The following RBFOX1 variants were observed in gnomAD, a reference collection of about 807,000 sequenced individuals.
RBFOX1 encodes RNA binding fox-1 homolog 1.
In RBFOX1, 8 loss-of-function variants were observed where a neutral mutation model predicts 57.7. The observed-to-expected ratio is 0.14, with a 90% CI of 0.08 to 0.25. The LOEUF is 0.25. RBFOX1 is among the 10% of genes least tolerant of loss of function. RBFOX1 has a pLI of 1.00. For synonymous variants in RBFOX1, 326 were observed against 222.4 expected (o/e 1.47, Z -4.15); for missense variants, 611 against 548.5 (o/e 1.11, Z -1.14).
At chr16:5,990,980 G>A (rs1431053909) in intron 4 of RBFOX1, among the ~76,000 whole-genome samples, 2 of 151,536 alleles carry the variant, frequency 1.3e-5, no homozygotes, top group Admixed American at 6.6e-5. Flanking sequence ...GTCAGAGAGA[G>A]AAAAAAAATA....
At chr16:5,687,662 C>T (rs985208707) in intron 3 of RBFOX1, among the ~76,000 whole-genome samples, 1 of 152,156 alleles carries the variant, frequency 6.6e-6, no homozygotes, top group Admixed American at 6.6e-5. Context: ...GGGTGACCGA[C>T]CATTCCAGTC....
At chr16:5,367,891 A>G (rs544718449) in intron 1 of RBFOX1, among the ~76,000 whole-genome samples, 100 of 151,990 alleles carry the variant, frequency 6.6e-4, no homozygotes, top group African/African-American at 2.1e-3. Flanking sequence ...TGCTCTTTAA[A>G]TGACAGGACT....
chr16:7,376,550 A>T (rs865868448), intron 4 of RBFOX1, among the ~76,000 whole-genome samples: 1 of 151,972 alleles, frequency 6.6e-6, no homozygotes, highest in African/African-American at 2.4e-5. Flanking sequence ...AGATTTTCCA[A>T]CCTCCGAGTT....
chr16:6,953,981 AC>A (rs767442052), intron 3 of RBFOX1, among the ~76,000 whole-genome samples: 2 of 152,110 alleles, frequency 1.3e-5, no homozygotes, highest in Non-Finnish European at 2.9e-5. Flanking sequence ...AGTTTTACAT[AC>A]CCGATAGGTC....
At chr16:6,812,702 G>T (rs1014505775) in intron 3 of RBFOX1, among the ~76,000 whole-genome samples, 1 of 152,124 alleles carries the variant, frequency 6.6e-6, no homozygotes, top group African/African-American at 2.4e-5. Flanking sequence ...ATGCCTAAAT[G>T]TGGTCTAAAT....
chr16:5,681,389 CTT>C (rs1003773008), intron 3 of RBFOX1, among the ~76,000 whole-genome samples: 28 of 126,444 alleles, frequency 2.2e-4, no homozygotes, highest in East Asian at 2.3e-4. Context: ...CAGCTTTTTT[CTT>C]TTTTTTTTTT....
At chr16:6,009,345 C>T (rs550725932) in intron 4 of RBFOX1, among the ~76,000 whole-genome samples, 1 of 152,312 alleles carries the variant, frequency 6.6e-6, no homozygotes, top group Admixed American at 6.5e-5. Flanking sequence ...GGCTTTGATA[C>T]AAAGAAGCAC....
At chr16:7,470,720 A>G (rs1036029166) in intron 4 of RBFOX1, among the ~76,000 whole-genome samples, 1 of 152,028 alleles carries the variant, frequency 6.6e-6, no homozygotes, top group East Asian at 1.9e-4. Flanking sequence ...GGAAAGATGA[A>G]TATATCCAGA....
intron 1 of RBFOX1, among the ~76,000 whole-genome samples, chr16:5,246,323 G>A (rs2062298698): frequency 6.6e-6 from 1 of 152,148 alleles, no homozygotes; most frequent in Non-Finnish European, 1.5e-5. Context: ...GTTTTTTGGA[G>A]TTGTTGAATT....
At chr16:6,526,260 A>T (rs1178982565) in intron 2 of RBFOX1, among the ~76,000 whole-genome samples, 2 of 152,192 alleles carry the variant, frequency 1.3e-5, no homozygotes, top group African/African-American at 2.4e-5. Context: ...GTAATAGAGT[A>T]TTGGGTTTCC....
intron 3 of RBFOX1, among the ~76,000 whole-genome samples, chr16:5,687,193 G>A (rs532644758): frequency 5.1e-4 from 77 of 152,272 alleles, no homozygotes; most frequent in Non-Finnish European, 9.8e-4. Context: ...GGAATAGGGG[G>A]AGACAATTAA....
chr16:7,630,759 C>A lies in RBFOX1; in HGVS notation c.757+76C>A, dbSNP rs1277847511. 12 of 1,583,142 alleles carry A rather than the reference C, an allele frequency of 7.6e-6. No individual in the cohort carries two copies. The East Asian group carries it at 1.6e-4, about 21-fold the overall frequency. On this transcript the variant is annotated intron_variant, in intron 11 of 15. Transcript: ENST00000550418. The stretch of plus-strand genomic sequence containing the variant: ...AATCACCTTCCCTGCCATGTAAGTT[C>A]TCTCCCCCTCCCTCTGCCCCACCCT...
chr16:6,950,161 T>C (rs1228421187), intron 3 of RBFOX1, among the ~76,000 whole-genome samples: 1 of 150,452 alleles, frequency 6.6e-6, no homozygotes, highest in African/African-American at 2.5e-5. Context: ...TTTCACCATG[T>C]TGGCCAGGCT....
At chr16:6,608,746 T>A (rs55773499) in intron 2 of RBFOX1, among the ~76,000 whole-genome samples, 28,548 of 152,224 alleles carry the variant, frequency 0.19, 3,144 homozygotes, top group Admixed American at 0.27. Context: ...CATTCTAACC[T>A]GTGCATCAGA....
chr16:6,308,232 A>C (rs751919979), intron 1 of RBFOX1, among the ~76,000 whole-genome samples: 1 of 152,284 alleles, frequency 6.6e-6, no homozygotes, highest in African/African-American at 2.4e-5. Flanking sequence ...TTATTTGCAC[A>C]TCCTATAAAT....
At position 7,126,314 on chromosome 16, in the gene RBFOX1, T is replaced by A. The variant is rs1017063458; in HGVS notation, c.27+74216T>A. The A allele has an allele frequency of 1.2e-4, 38 of 309,602 alleles. 2 individuals are homozygous for A. The South Asian group carries it at 1.3e-3, about 11-fold the overall frequency. The allele number at this position is 309,602 out of a possible 1,614,324, so 19.2% of individuals were successfully genotyped here. A position where few individuals can be genotyped will look rare whatever the true frequency, so the allele number is the denominator to read the frequency against. On this transcript the variant is annotated intron_variant, in intron 4 of 15. Transcript: ENST00000550418. ...CTCCTTACATGGGCTTTGGTGGGGG[T>A]CATGGGGCAGCACCCGCAGGTCTAA... is the stretch of plus-strand genomic sequence containing the variant.
At chr16:7,222,205 T>C (rs2092782025) in intron 4 of RBFOX1, among the ~76,000 whole-genome samples, 1 of 152,120 alleles carries the variant, frequency 6.6e-6, no homozygotes, top group South Asian at 2.1e-4. Context: ...AGAGGGCAGG[T>C]GGTTCACAAA....
At chr16:7,665,323 C>A (rs2068920295) in intron 13 of RBFOX1, among the ~76,000 whole-genome samples, 1 of 152,206 alleles carries the variant, frequency 6.6e-6, no homozygotes, top group Admixed American at 6.5e-5. Context: ...TTTAGGATAA[C>A]AGCTGTAGTC....
At chr16:6,212,432 G>A (rs2097304470) in intron 1 of RBFOX1, among the ~76,000 whole-genome samples, 1 of 151,418 alleles carries the variant, frequency 6.6e-6, no homozygotes, top group Admixed American at 6.6e-5. Flanking sequence ...ACGGCTGGGT[G>A]TTTTGGCTCA....
Sources: gnomAD v4.1 joint callset for allele counts (sites outside exome capture counted in the v4.1 genomes callset) on GRCh38, gnomAD v4.1.1 for gene constraint, MANE v1.5 for transcripts, NCBI Gene and HGNC (gene_info 2026-07-23, HGNC 2026-07-21) for gene names.